PRM2: variants seen among roughly 807,000 people sequenced by gnomAD.
The protein encoded by PRM2 is protamine 2, also known as protamine-2.
A neutral mutation model predicts 10.7 loss-of-function variants in PRM2; 6 were observed. The ratio of observed to expected loss-of-function variants is 0.56; its 90% CI spans 0.31 to 1.11. PRM2 has a LOEUF of 1.11. Ranked by LOEUF, PRM2 falls within the 50% of genes least tolerant of loss-of-function variation. The pLI, the probability that PRM2 is intolerant of heterozygous loss-of-function variation, is 0.06. For synonymous variants in PRM2, 64 were observed against 54.8 expected, an observed-to-expected ratio of 1.17 and a Z score of -0.74; for missense variants, 194 against 147.7, an observed-to-expected ratio of 1.31 and a Z score of -1.62.
At position 11,276,291 on chromosome 16, in the gene PRM2, C is replaced by A; in HGVS notation, c.80G>T (p.Gly27Val). The A allele has an allele frequency of 6.2e-7, 1 of 1,614,262 alleles. No homozygotes were observed. The highest frequency in any genetic ancestry group is 8.5e-7 in the Non-Finnish European group (1 of 1,180,044). ...CCCTTGCTCCTCTTGGCCGTGGTGT[C>A]CTTGCTCTTGCCCATGCAACTGCTG... ...YRQQLHGQEQ[G>V]HHGQEEQGLS... Residue 27 changes from glycine (G) to valine (V), a missense_variant, in exon 1 of 2, where the codon GGA (glycine) becomes GTA (valine). Gly to Val is a moderately radical substitution (Grantham distance 109). Transcript: ENST00000241808.
rs757843269 is a variant in PRM2 at position 11,276,215 on chromosome 16, G to C, written c.156C>G (p.His52Gln). The change falls in exon 1 of 2, where the codon CAC becomes CAG. Residue 52 changes from histidine (H) to glutamine (Q), a missense_variant. By Grantham distance (24) the His-to-Gln change is conservative (BLOSUM62 0). Coordinates refer to ENST00000241808, the MANE Select transcript of PRM2 (RefSeq NM_002762.4). ...TTCGAGAGCAGTGTCTGCGCCTATAGTGAGACTGGCCATGGGTCCTCTCGT... is the reference window on the plus strand; with the variant it reads ...TTCGAGAGCAGTGTCTGCGCCTATACTGAGACTGGCCATGGGTCCTCTCGT... ...EVYERTHGQS[H>Q]YRRRHCSRRR... 6.2e-7 allele frequency: 1 copy of C among 1,614,252 alleles called. No homozygotes were observed. The highest frequency in any genetic ancestry group is 8.5e-7 in the Non-Finnish European group (1 of 1,180,038).
rs74007625 is a variant in PRM2, at chr16:11,276,081, G to A, written c.271+19C>T. ...GGGTGGTCAGGGACATGCAGGGCAA[G>A]GCGGGGGCGCAGGCAGACCTCTGCG... On this transcript the variant is annotated intron_variant, in intron 1 of 1. Transcript: ENST00000241808. 5.4e-3 allele frequency: 8,765 copies of A among 1,608,696 alleles called. 418 individuals carry two copies. The African/African-American group carries it at 0.1, about 19-fold the overall frequency.
chr16:11,275,970 C>T (rs1416447684), intron 1 of PRM2, 33 bp from the exon 2 acceptor site: 1 of 1,613,582 alleles, frequency 6.2e-7, no homozygotes, highest in Non-Finnish European at 8.5e-7. Context: ...TTGAGGGGGT[C>T]ACCTAGGGAC....
Position 11,275,910 on chromosome 16 carries a change from C to T in PRM2, c.299G>A (p.Arg100Lys). 6.2e-7 allele frequency: 1 copy of T among 1,614,008 alleles called. No individual in the cohort carries two copies. The highest frequency in any genetic ancestry group is 8.5e-7 in the Non-Finnish European group (1 of 1,179,996). The change falls in exon 2 of 2, where the codon AGA becomes AAA. Residue 100 changes from arginine (R) to lysine (K), a missense_variant. By Grantham distance (26) the Arg-to-Lys change is conservative. Transcript: ENST00000241808. ...AGGGGCCCAGGAAGCTTAGTGCCTT[C>T]TGCATGTTCTCTTCCTGGTTCTGCA... ...RGCRTRKRTC[R>K]RH
chr16:11,276,264 A>C lies in PRM2; in HGVS notation c.107T>G (p.Leu36Arg). Residue 36 changes from leucine (L) to arginine (R), a missense_variant, in exon 1 of 2, where the codon CTG becomes CGG. Coordinates refer to ENST00000241808, the MANE Select transcript of PRM2 (RefSeq NM_002762.4). ...GTAGACCTCGACGTGCTCCGGGCTCAGCCCTTGCTCCTCTTGGCCGTGGTG... is the reference window on the plus strand; with the variant it reads ...GTAGACCTCGACGTGCTCCGGGCTCCGCCCTTGCTCCTCTTGGCCGTGGTG... ...QGHHGQEEQG[L>R]SPEHVEVYER... The C allele has an allele frequency of 6.2e-7, 1 of 1,614,270 alleles. No individual in the cohort carries two copies. The highest frequency in any genetic ancestry group is 8.5e-7 in the Non-Finnish European group (1 of 1,180,044).
In PRM2 at chr16:11,276,327, T is replaced by G; in HGVS notation, c.44A>C (p.Glu15Ala). 3 of 1,614,262 alleles carry G rather than the reference T, an allele frequency of 1.9e-6. No individual in the cohort carries two copies. Among genetic ancestry groups the G allele is most frequent in the Non-Finnish European group, 2.5e-6 (3 of 1,180,032 alleles). Residue 15 changes from glutamate to alanine, a missense_variant, in exon 1 of 2, where the codon GAG becomes GCG. By Grantham distance (107) the Glu-to-Ala change is moderately radical. Coordinates refer to ENST00000241808, the MANE Select transcript of PRM2 (RefSeq NM_002762.4). ...RVRSLSERSH[E>A]VYRQQLHGQE... ...CCCATGCAACTGCTGCCTGTACACC[T>G]CGTGCGAGCGTTCGCTCAGGCTCCT...
Position 11,276,385 on chromosome 16 carries a change from T to C in PRM2, c.-15A>G, listed in dbSNP as rs1442081307. 8 of 1,613,826 alleles carry C rather than the reference T, an allele frequency of 5.0e-6. 1 individual carries two copies. In the South Asian group the frequency reaches 7.7e-5, roughly 16 times the overall value. ...TATCGGACCATGGTGTTGGGAGATC[T>C]GGTGGCTCCTGGGCTGAGGCTGCAG... On this transcript the variant is annotated 5_prime_UTR_variant, in exon 1 of 2. Transcript: ENST00000241808.
rs916611158 is a variant in PRM2 at position 11,276,384 on chromosome 16, C to G, written c.-14G>C. ...GTATCGGACCATGGTGTTGGGAGAT[C>G]TGGTGGCTCCTGGGCTGAGGCTGCA... On this transcript the variant is annotated 5_prime_UTR_variant, in exon 1 of 2. Coordinates refer to ENST00000241808, the MANE Select transcript of PRM2 (RefSeq NM_002762.4). 1.9e-6 allele frequency: 3 copies of G among 1,613,932 alleles called. No individual in the cohort carries two copies. The highest frequency in any genetic ancestry group is 1.7e-6 in the Non-Finnish European group (2 of 1,179,912).
At position 11,275,883 on chromosome 16, in the gene PRM2, T is replaced by C; in HGVS notation, c.*17A>G. The C allele has an allele frequency of 6.2e-7, 1 of 1,613,474 alleles. No homozygotes were observed. Among genetic ancestry groups the C allele is most frequent in the Non-Finnish European group, 8.5e-7 (1 of 1,179,902 alleles). ...CTTTTTCTTAATTTCCAGCTGGGGG[T>C]GAGGGGCCCAGGAAGCTTAGTGCCT... On this transcript the variant is annotated 3_prime_UTR_variant, in exon 2 of 2. Coordinates refer to ENST00000241808, the MANE Select transcript of PRM2 (RefSeq NM_002762.4).
Position 11,276,220 on chromosome 16 carries a change from A to G in PRM2, c.151T>C (p.Ser51Pro). ...VEVYERTHGQSHYRRRHCSRR... is the reference protein window; with the variant it reads ...VEVYERTHGQPHYRRRHCSRR... ...GAGCAGTGTCTGCGCCTATAGTGAG[A>G]CTGGCCATGGGTCCTCTCGTAGACC... Residue 51 changes from serine to proline, a missense_variant, in exon 1 of 2, where the codon TCT (serine) becomes CCT (proline). Transcript: ENST00000241808. 3 of 1,614,170 alleles carry G rather than the reference A, an allele frequency of 1.9e-6. No homozygotes were observed. The highest frequency in any genetic ancestry group is 2.5e-6 in the Non-Finnish European group (3 of 1,180,024).
chr16:11,276,204 C>G lies in PRM2; in HGVS notation c.167G>C (p.Arg56Thr). The change falls in exon 1 of 2, where the codon AGA (arginine) becomes ACA (threonine). Residue 56 changes from arginine to threonine, a missense_variant. Physicochemically the swap from Arg to Thr is moderately conservative, Grantham distance 71. Transcript: ENST00000241808. Reference protein sequence around the residue: ...RTHGQSHYRRRHCSRRRLHRI... With the variant: ...RTHGQSHYRRTHCSRRRLHRI... ...GTGCAGCCTCCTTCGAGAGCAGTGTCTGCGCCTATAGTGAGACTGGCCATG... is the reference window on the plus strand; with the variant it reads ...GTGCAGCCTCCTTCGAGAGCAGTGTGTGCGCCTATAGTGAGACTGGCCATG... 2 of 1,614,216 alleles carry G rather than the reference C, an allele frequency of 1.2e-6. No individual in the cohort carries two copies. Among genetic ancestry groups the G allele is most frequent in the Non-Finnish European group, 8.5e-7 (1 of 1,180,036 alleles).
Position 11,276,181 on chromosome 16 carries a change from G to A in PRM2, c.190C>T (p.His64Tyr). The change falls in exon 1 of 2, where the codon CAC becomes TAC. Residue 64 changes from histidine to tyrosine, a missense_variant. By Grantham distance (83) the His-to-Tyr change is moderately conservative (BLOSUM62 2). Coordinates refer to ENST00000241808, the MANE Select transcript of PRM2 (RefSeq NM_002762.4). ...RRRHCSRRRL[H>Y]RIHRRQHRSC... is the part of the protein sequence containing the mutation. ...CGATGCTGCCGCCTGTGGATCCGGT[G>A]CAGCCTCCTTCGAGAGCAGTGTCTG... 1 of 1,614,086 alleles carries A rather than the reference G, an allele frequency of 6.2e-7. No homozygotes were observed. Among genetic ancestry groups the A allele is most frequent in the Non-Finnish European group, 8.5e-7 (1 of 1,180,040 alleles).
rs1284980368 is a variant in PRM2, at chr16:11,276,393, C to T, written c.-23G>A. The stretch of plus-strand genomic sequence containing the variant: ...CATGGTGTTGGGAGATCTGGTGGCT[C>T]CTGGGCTGAGGCTGCAGTGGGCCCT... On this transcript the variant is annotated 5_prime_UTR_variant, in exon 1 of 2. Transcript: ENST00000241808. 5 of 1,613,756 alleles carry T rather than the reference C, an allele frequency of 3.1e-6. No individual in the cohort carries two copies. Among genetic ancestry groups the T allele is most frequent in the Non-Finnish European group, 3.4e-6 (4 of 1,179,850 alleles).
Position 11,275,891 on chromosome 16 carries a change from C to T in PRM2, c.*9G>A. ...TAATTTCCAGCTGGGGGTGAGGGGC[C>T]CAGGAAGCTTAGTGCCTTCTGCATG... On this transcript the variant is annotated 3_prime_UTR_variant, in exon 2 of 2. Coordinates refer to ENST00000241808, the MANE Select transcript of PRM2 (RefSeq NM_002762.4). 2 of 1,614,028 alleles carry T rather than the reference C, an allele frequency of 1.2e-6. No homozygotes were observed. The highest frequency in any genetic ancestry group is 1.3e-5 in the African/African-American group (1 of 75,022).
chr16:11,276,325 C>G lies in PRM2; in HGVS notation c.46G>C (p.Val16Leu). 3 of 1,614,266 alleles carry G rather than the reference C, an allele frequency of 1.9e-6. No individual in the cohort carries two copies. Among genetic ancestry groups the G allele is most frequent in the Non-Finnish European group, 2.5e-6 (3 of 1,180,046 alleles). The change falls in exon 1 of 2, where the codon GTG becomes CTG. Residue 16 changes from valine (V) to leucine (L), a missense_variant. Coordinates refer to ENST00000241808, the MANE Select transcript of PRM2 (RefSeq NM_002762.4). ...VRSLSERSHE[V>L]YRQQLHGQEQ... ...TGCCCATGCAACTGCTGCCTGTACA[C>G]CTCGTGCGAGCGTTCGCTCAGGCTC...
At position 11,276,242 on chromosome 16, in the gene PRM2, G is replaced by C; in HGVS notation, c.129C>G (p.Val43=). 4.3e-6 allele frequency: 7 copies of C among 1,614,260 alleles called. No individual in the cohort carries two copies. Among genetic ancestry groups the C allele is most frequent in the Non-Finnish European group, 5.9e-6 (7 of 1,180,040 alleles). The change falls in exon 1 of 2, where the codon GTC becomes GTG. Residue 43 remains valine (V), a synonymous_variant. Coordinates refer to ENST00000241808, the MANE Select transcript of PRM2 (RefSeq NM_002762.4). ...EQGLSPEHVE[V]YERTHGQSHY... ...GAGACTGGCCATGGGTCCTCTCGTA[G>C]ACCTCGACGTGCTCCGGGCTCAGCC...
rs2070923 is a variant in PRM2, at chr16:11,275,998, G to C, written c.272-61C>G. 6.9e-6 allele frequency: 11 copies of C among 1,605,494 alleles called. No homozygotes were observed. The Admixed American group carries it at 1.8e-4, about 27-fold the overall frequency. ...CTAGGGACTCTGGGTGGGGACGGGG[G>C]TTAGGGGGCTGGAGCTTTTGTCAGG... On this transcript the variant is annotated intron_variant, in intron 1 of 1. Coordinates refer to ENST00000241808, the MANE Select transcript of PRM2 (RefSeq NM_002762.4).
rs780527867 is a variant in PRM2, at chr16:11,276,338, T to G, written c.33A>C (p.Glu11Asp). Residue 11 changes from glutamate (E) to aspartate (D), a missense_variant, in exon 1 of 2, where the codon GAA becomes GAC. Transcript: ENST00000241808. Reference sequence around the variant, plus strand: ...GCTGCCTGTACACCTCGTGCGAGCGTTCGCTCAGGCTCCTCACGCGGTATC... The same window carrying G: ...GCTGCCTGTACACCTCGTGCGAGCGGTCGCTCAGGCTCCTCACGCGGTATC... MVRYRVRSLS[E>D]RSHEVYRQQL... 1.9e-6 allele frequency: 3 copies of G among 1,614,226 alleles called. No homozygotes were observed. Among genetic ancestry groups the G allele is most frequent in the Non-Finnish European group, 2.5e-6 (3 of 1,180,028 alleles).
In PRM2 at chr16:11,275,653, T is replaced by G; in HGVS notation, c.*247A>C. 1 of 868,864 alleles carries G rather than the reference T, an allele frequency of 1.2e-6. No homozygotes were observed. Among genetic ancestry groups the G allele is most frequent in the East Asian group, 2.6e-5 (1 of 37,754 alleles). 53.8% of individuals were successfully genotyped at this position (868,864 alleles called of 1,614,324 possible). ...AGGCCAGCGAGTGTCTTGTCAAGCT[T>G]TATTGGGCAGGTGACTTTTGCTCGT... On this transcript the variant is annotated 3_prime_UTR_variant, in exon 2 of 2. Coordinates refer to ENST00000241808, the MANE Select transcript of PRM2 (RefSeq NM_002762.4).
Sources: gnomAD v4.1 joint callset for allele counts on GRCh38, gnomAD v4.1.1 for gene constraint, MANE v1.5 for transcripts, NCBI Gene and HGNC (gene_info 2026-07-23, HGNC 2026-07-21) for gene names.